TET1: variants seen among roughly 807,000 people sequenced by gnomAD.
TET1 encodes methylcytosine dioxygenase TET1.
TET1 carries 13 observed loss-of-function variants against 148.7 expected under a neutral mutation model. The observed-to-expected ratio is 0.09, with a 90% confidence interval of 0.06 to 0.14. TET1 has a LOEUF of 0.14. Among genes scored for constraint, TET1 ranks in the 10% least tolerant of loss-of-function variants. TET1 has a pLI of 1.00. For synonymous variants in TET1, 907 were observed against 937.2 expected (o/e 0.97, Z 0.59); for missense variants, 2,182 against 2,553.8 (o/e 0.85, Z 3.14).
intron 3 of TET1, among the ~76,000 whole-genome samples, chr10:68,637,161 G>C (rs886862646): frequency 6.6e-6 from 1 of 151,908 alleles, no homozygotes; most frequent in Non-Finnish European, 1.5e-5. Context: ...ACCATGTTCC[G>C]CTAATTTTTG....
Position 68,652,520 on chromosome 10 carries a change from G to A in TET1, c.4387G>A (p.Ala1463Thr). 1.2e-6 allele frequency: 2 copies of A among 1,610,642 alleles called. No homozygotes were observed. The highest frequency in any genetic ancestry group is 1.3e-5 in the African/African-American group (1 of 74,910). ...ACTCAGGTATGGTCAAAAAGGAAACGCAATAAGGATAGAAATAGTAGTGTA... is the reference window on the plus strand; with the variant it reads ...ACTCAGGTATGGTCAAAAAGGAAACACAATAAGGATAGAAATAGTAGTGTA... ...MENRYGQKGNAIRIEIVVYTG... is the reference protein window; with the variant it reads ...MENRYGQKGNTIRIEIVVYTG... Residue 1463 changes from alanine (A) to threonine (T), a missense_variant, in exon 6 of 12, where the codon GCA (alanine) becomes ACA (threonine). Ala to Thr is a moderately conservative substitution (Grantham distance 58). This residue lies in a region of TET1 where 169 missense variants were observed against 263.7 expected (regional missense o/e 0.64). Transcript: ENST00000373644.
chr10:68,676,292 TTTTTC>T (rs2055360573), intron 8 of TET1, among the ~76,000 whole-genome samples: 2 of 124,528 alleles, frequency 1.6e-5, no homozygotes, highest in Non-Finnish European at 3.3e-5. Context: ...TTTTTTTTTT[TTTTTC>T]TTCTGAGACG....
At position 68,572,949 on chromosome 10, in the gene TET1, C is replaced by T. The variant is rs781620810; in HGVS notation, c.611C>T (p.Pro204Leu). The T allele has an allele frequency of 6.2e-7, 1 of 1,614,116 alleles. No individual in the cohort carries two copies. The highest frequency in any genetic ancestry group is 2.2e-5 in the East Asian group (1 of 44,878). The change falls in exon 2 of 12, where the codon CCT (proline) becomes CTT (leucine). Residue 204 changes from proline (P) to leucine (L), a missense_variant. Physicochemically the swap from Pro to Leu is moderately conservative, Grantham distance 98. Transcript: ENST00000373644. ...QRVEDSKINI[P>L]THSGPAAEIL... is the part of the protein sequence containing the mutation. ...GTTGAGGATTCCAAGATCAATATCC[C>T]TACCCACAGTGGCCCTGCAGCTGAG...
chr10:68,575,565 A>G (rs987103245), intron 2 of TET1, among the ~76,000 whole-genome samples: 4 of 151,570 alleles, frequency 2.6e-5, no homozygotes, highest in Non-Finnish European at 4.4e-5. Context: ...AGCTGGGCAT[A>G]GTGGTGCACA....
At chr10:68,644,568 GA>G (rs2054810554) in intron 3 of TET1, 129 bp from the exon 4 acceptor site, 2 of 938,256 alleles carry the variant, frequency 2.1e-6, no homozygotes, top group Non-Finnish European at 3.0e-6. Flanking sequence ...CTGAATGTGT[GA>G]AAAGCAAAAA....
At chr10:68,608,195 T>G (rs1211508956) in intron 3 of TET1, among the ~76,000 whole-genome samples, 1 of 152,128 alleles carries the variant, frequency 6.6e-6, no homozygotes, top group Non-Finnish European at 1.5e-5. Context: ...CCCAAAGTGC[T>G]GGGATTATAG....
At chr10:68,578,123 C>T (rs1484556540) in intron 2 of TET1, among the ~76,000 whole-genome samples, 1 of 151,968 alleles carries the variant, frequency 6.6e-6, no homozygotes, top group Non-Finnish European at 1.5e-5. Context: ...GCCTGTAATC[C>T]CAGCACTTTG....
In TET1 at chr10:68,611,674, C is replaced by CTTTCT. The variant is rs376782312; in HGVS notation, c.1968+10664_1968+10668dup. 5.7e-3 allele frequency among the ~76,000 whole-genome samples: 847 copies of CTTTCT among 148,830 alleles called. 2 individuals are homozygous for CTTTCT. Among genetic ancestry groups the CTTTCT allele is most frequent in the South Asian group, 0.012 (56 of 4,700 alleles). On this transcript the variant is annotated intron_variant, in intron 3 of 11. Transcript: ENST00000373644. ...TCTTTCTTTTCTTTTCTTTTCTTTTCTTTCTTTTCTTTTCTTTTCTTTTCT... is the reference window on the plus strand; with the variant it reads ...TCTTTCTTTTCTTTTCTTTTCTTTTCTTTCTTTTCTTTTCTTTTCTTTTCTTTTCT...
rs1419371452 is a variant in TET1 at position 68,572,658 on chromosome 10, G to C, written c.320G>C (p.Arg107Pro). 1 of 1,614,088 alleles carries C rather than the reference G, an allele frequency of 6.2e-7. No homozygotes were observed. Among genetic ancestry groups the C allele is most frequent in the Non-Finnish European group, 8.5e-7 (1 of 1,180,014 alleles). The change falls in exon 2 of 12, where the codon CGA (arginine) becomes CCA (proline). Residue 107 changes from arginine to proline, a missense_variant. Arg to Pro is a moderately radical substitution (Grantham distance 103). This residue lies in a region of TET1 where 665 missense variants were observed against 672.4 expected (regional missense o/e 0.99). Transcript: ENST00000373644. ...LTCNGFTMAL[R>P]STSLSRRLSQ... ...TGCAATGGGTTTACAATGGCGCTAC[G>C]AAGCACCTCTCTTAGCAGGCGACTC...
rs1434895909 is a variant in TET1, at chr10:68,595,949, TATATATATATATACAC to T, written c.1915-5030_1915-5015del. Among the ~76,000 whole-genome samples, 42 of 30,138 alleles carry T rather than the reference TATATATATATATACAC, an allele frequency of 1.4e-3. 1 individual carries two copies. The highest frequency in any genetic ancestry group is 2.6e-3 in the Admixed American group (5 of 1,928). 19.8% of individuals were successfully genotyped at this position (30,138 alleles called of 152,430 possible). A position where few individuals can be genotyped will look rare whatever the true frequency, so the allele number is the denominator to read the frequency against. On this transcript the variant is annotated intron_variant, in intron 2 of 11. Coordinates refer to ENST00000373644, the MANE Select transcript of TET1 (RefSeq NM_030625.3). ...ATATATATATATATATATATATATA[TATATATATATATACAC>T]ACACACACACACATATATACACACA...
At chr10:68,578,889 T>C (rs2053761642) in intron 2 of TET1, among the ~76,000 whole-genome samples, 1 of 152,110 alleles carries the variant, frequency 6.6e-6, no homozygotes, top group Middle Eastern at 3.2e-3. Flanking sequence ...TGATAGCTCA[T>C]GCCTGTGGTC....
intron 3 of TET1, among the ~76,000 whole-genome samples, chr10:68,614,264 A>G (rs2054258316): frequency 6.6e-6 from 1 of 152,236 alleles, no homozygotes; most frequent in Non-Finnish European, 1.5e-5. Context: ...CACAAATGAT[A>G]CAATTATACT....
At chr10:68,609,973 C>G (rs1056394392) in intron 3 of TET1, among the ~76,000 whole-genome samples, 3 of 151,520 alleles carry the variant, frequency 2.0e-5, no homozygotes, top group African/African-American at 7.3e-5. Flanking sequence ...CATGAGAAAA[C>G]TACATCTCTA....
In TET1 at chr10:68,584,229, ATG is replaced by A. The variant is rs1363199952; in HGVS notation, c.1914+9978_1914+9979del. 2.7e-5 allele frequency among the ~76,000 whole-genome samples: 4 copies of A among 150,496 alleles called. No homozygotes were observed. In the East Asian group the frequency reaches 8.2e-4, roughly 31 times the overall value. The stretch of plus-strand genomic sequence containing the variant: ...TAATTTTTTTTTATTTTTATTAGAG[ATG>A]GGGTTTCACCATGTTGGCCAGGCTG... On this transcript the variant is annotated intron_variant, in intron 2 of 11. Transcript: ENST00000373644.
intron 6 of TET1, among the ~76,000 whole-genome samples, chr10:68,660,817 A>ATG (rs2055097649): frequency 6.7e-6 from 1 of 148,688 alleles, no homozygotes; most frequent in African/African-American, 2.5e-5. Flanking sequence ...CCCACCACCA[A>ATG]GCTCGACTAA....
At chr10:68,617,516 A>G (rs1283549547) in intron 3 of TET1, among the ~76,000 whole-genome samples, 4 of 152,014 alleles carry the variant, frequency 2.6e-5, no homozygotes, top group Non-Finnish European at 5.9e-5. Flanking sequence ...GGTTTTTAGC[A>G]TCCATTGAGG....
intron 6 of TET1, among the ~76,000 whole-genome samples, chr10:68,656,091 A>T (rs1375241129): frequency 6.6e-6 from 1 of 151,986 alleles, no homozygotes; most frequent in African/African-American, 2.4e-5. Flanking sequence ...CCCAGATGGG[A>T]CCGTCTAGTT....
At chr10:68,615,831 G>C (rs2054282733) in intron 3 of TET1, among the ~76,000 whole-genome samples, 1 of 151,916 alleles carries the variant, frequency 6.6e-6, no homozygotes, top group African/African-American at 2.4e-5. Flanking sequence ...ATTTTTAGTA[G>C]AGATGGGGTT....
chr10:68,676,196 ATATATAT>A (rs1564505902), intron 8 of TET1, among the ~76,000 whole-genome samples: 2 of 109,816 alleles, frequency 1.8e-5, no homozygotes, highest in East Asian at 5.7e-4. Flanking sequence ...TATACACAAG[ATATATAT>A]GTATATATAT....
Sources: allele counts gnomAD v4.1 joint callset (sites outside exome capture counted in the v4.1 genomes callset), GRCh38; gene constraint gnomAD v4.1.1; regional missense constraint gnomAD v4.1.1; transcripts MANE v1.5; gene names NCBI Gene and HGNC (gene_info 2026-07-23, HGNC 2026-07-21).